The following GMDS variants were observed in gnomAD, a reference collection of about 807,000 sequenced individuals.
The protein encoded by GMDS is GDP-mannose 4,6 dehydratase.
A neutral mutation model predicts 49.9 loss-of-function variants in GMDS; 20 were observed. The ratio of observed to expected loss-of-function variants is 0.40; its 90% CI spans 0.28 to 0.58. The LOEUF (loss-of-function observed/expected upper bound fraction) is 0.58, where lower values mean the gene tolerates loss of function less well. Ranked by LOEUF, GMDS falls within the 20% of genes least tolerant of loss-of-function variation. The probability of loss-of-function intolerance (pLI) is 0.42; values close to 1 mark genes in which losing one functional copy is unlikely to be tolerated. For missense variants in GMDS, 362 were observed against 481.4 expected (o/e 0.75, Z 2.32); for synonymous variants, 177 against 178.6 (o/e 0.99, Z 0.07).
chr6:1,815,181 C>T (rs1216160751), intron 7 of GMDS, among the ~76,000 whole-genome samples: 1 of 151,792 alleles, frequency 6.6e-6, no homozygotes, highest in Admixed American at 6.6e-5. Flanking sequence ...TTTTGTCACC[C>T]AATGCATGTA....
Position 1,778,070 on chromosome 6 carries a change from A to G in GMDS, c.772-35484T>C, listed in dbSNP as rs1477177644. 6.6e-6 allele frequency among the ~76,000 whole-genome samples: 1 copy of G among 152,202 alleles called. No homozygotes were observed. The highest frequency in any genetic ancestry group is 1.5e-5 in the Non-Finnish European group (1 of 68,038). On this transcript the variant is annotated intron_variant, in intron 7 of 10. Coordinates refer to ENST00000380815, the MANE Select transcript of GMDS (RefSeq NM_001500.4). This position sits in a 1 kb window ranked among gnomAD's most constrained non-coding sequence, Gnocchi z 4.6. ...GCTCAGGGGTGCACGCATTAAAAAA[A>G]GAAGCTGAAAAATGGAACTTTGTTT...
At chr6:1,969,261 CAAAAAAAAAAAAA>C (rs761741871) in intron 4 of GMDS, among the ~76,000 whole-genome samples, 57 of 14,094 alleles carry the variant, frequency 4.0e-3, no homozygotes, top group Non-Finnish European at 5.5e-3. Flanking sequence ...GGCTCCATCT[CAAAAAAAAAAAAA>C]AAAAAAAAAA....
At chr6:1,646,755 A>G (rs1763497301) in intron 9 of GMDS, among the ~76,000 whole-genome samples, 1 of 152,116 alleles carries the variant, frequency 6.6e-6, no homozygotes, top group Non-Finnish European at 1.5e-5. Context: ...TATATCCTGC[A>G]TTCAGGAAAA....
chr6:1,700,526 T>A (rs1185596841), intron 9 of GMDS, among the ~76,000 whole-genome samples: 1 of 152,186 alleles, frequency 6.6e-6, no homozygotes, highest in East Asian at 1.9e-4. Flanking sequence ...TCTACAGTCT[T>A]CTGGTTCCGA....
intron 9 of GMDS, among the ~76,000 whole-genome samples, chr6:1,644,001 G>C (rs72838813): frequency 3.9e-5 from 6 of 151,930 alleles, no homozygotes; most frequent in Non-Finnish European, 7.4e-5. Flanking sequence ...CCCTTACCCA[G>C]CCCCCGTTGT....
intron 7 of GMDS, among the ~76,000 whole-genome samples, chr6:1,755,458 T>C (rs1767905256): frequency 6.6e-6 from 1 of 152,314 alleles, no homozygotes; most frequent in African/African-American, 2.4e-5. Flanking sequence ...CCCAAAGTAA[T>C]TTGTAGATTC....
At chr6:1,847,946 A>G (rs1340873876) in intron 7 of GMDS, among the ~76,000 whole-genome samples, 1 of 152,108 alleles carries the variant, frequency 6.6e-6, no homozygotes, top group African/African-American at 2.4e-5. Flanking sequence ...TATGAAAGAG[A>G]AGTATAAGAC....
At chr6:1,921,934 A>G (rs748115229) in intron 7 of GMDS, among the ~76,000 whole-genome samples, 1 of 152,214 alleles carries the variant, frequency 6.6e-6, no homozygotes, top group African/African-American at 2.4e-5. Context: ...ATCAATATAA[A>G]AAGTCAAAAT....
intron 4 of GMDS, among the ~76,000 whole-genome samples, chr6:2,095,639 T>A (rs1416619415): frequency 1.3e-5 from 2 of 152,152 alleles, no homozygotes; most frequent in Non-Finnish European, 2.9e-5. Context: ...AAATACAGAG[T>A]GTTTCTTGCA....
rs192689406 is a variant in GMDS at position 2,077,001 on chromosome 6, C to T, written c.345+38770G>A. Among the ~76,000 whole-genome samples, 10 of 152,156 alleles carry T rather than the reference C, an allele frequency of 6.6e-5. No homozygotes were observed. The South Asian group carries it at 1.2e-3, about 19-fold the overall frequency. ...ATCCATCTTTTGTAGTTTGCTTTGT[C>T]GAAATCTTTACCTCCTTGGTTAAAT... On this transcript the variant is annotated intron_variant, in intron 4 of 10. Transcript: ENST00000380815.
intron 1 of GMDS, among the ~76,000 whole-genome samples, chr6:2,159,230 A>AGAGGGGTACCG (rs1777260719): frequency 6.6e-6 from 1 of 152,148 alleles, no homozygotes; most frequent in Non-Finnish European, 1.5e-5. Context: ...GGGAGGAGAC[A>AGAGGGGTACCG]GAGGGGTACC....
chr6:2,239,284 T>C (rs1781504594), intron 1 of GMDS, among the ~76,000 whole-genome samples: 1 of 144,880 alleles, frequency 6.9e-6, no homozygotes. Flanking sequence ...AGTGAGATCA[T>C]ACCACCATTG....
At chr6:1,992,275 C>G (rs965404423) in intron 4 of GMDS, among the ~76,000 whole-genome samples, 1 of 152,152 alleles carries the variant, frequency 6.6e-6, no homozygotes, top group Non-Finnish European at 1.5e-5. Flanking sequence ...TCCATCTCAC[C>G]CTGTCTAAAA....
At chr6:1,709,421 C>G (rs1765867267) in intron 9 of GMDS, among the ~76,000 whole-genome samples, 12 of 152,240 alleles carry the variant, frequency 7.9e-5, no homozygotes, top group Admixed American at 7.8e-4. Context: ...CACTCGGCTT[C>G]CTGGTGGCCC....
intron 7 of GMDS, among the ~76,000 whole-genome samples, chr6:1,767,875 C>A (rs1435795858): frequency 6.6e-6 from 1 of 151,958 alleles, no homozygotes; most frequent in East Asian, 1.9e-4. Context: ...ACTAGGTGAT[C>A]CCAGTTAATC....
chr6:1,800,457 G>C (rs1173370277), intron 7 of GMDS, among the ~76,000 whole-genome samples: 1 of 151,952 alleles, frequency 6.6e-6, no homozygotes, highest in Admixed American at 6.6e-5. Context: ...CTTTTTTTGA[G>C]ATGGAGTCTA....
At chr6:1,636,829 A>G (rs577201462) in intron 9 of GMDS, among the ~76,000 whole-genome samples, 27 of 152,352 alleles carry the variant, frequency 1.8e-4, no homozygotes, top group African/African-American at 6.5e-4. Context: ...AGGAATGGGA[A>G]TGGCGTGGAA....
intron 7 of GMDS, among the ~76,000 whole-genome samples, chr6:1,922,754 C>T (rs535745257): frequency 3.3e-5 from 5 of 152,132 alleles, no homozygotes; most frequent in African/African-American, 9.7e-5. Flanking sequence ...AGGGAAGAGC[C>T]GGCTGGACGT....
intron 9 of GMDS, among the ~76,000 whole-genome samples, chr6:1,651,805 T>C (rs1763661078): frequency 6.6e-6 from 1 of 152,174 alleles, no homozygotes; most frequent in Non-Finnish European, 1.5e-5. Flanking sequence ...GCAAAAGCCC[T>C]ACACCTGGCA....
Sources: gnomAD v4.1 joint callset for allele counts (sites outside exome capture counted in the v4.1 genomes callset) on GRCh38, gnomAD v4.1.1 for gene constraint, Gnocchi (gnomAD v3.1) non-coding constraint, MANE v1.5 for transcripts, NCBI Gene and HGNC (gene_info 2026-07-23, HGNC 2026-07-21) for gene names.